Variants in GUCY1A2 observed in about 807,000 individuals in gnomAD.
GUCY1A2 encodes guanylate cyclase soluble subunit alpha-2.
In GUCY1A2, 27 loss-of-function variants were observed where a neutral mutation model predicts 63.5. The ratio of observed to expected loss-of-function variants is 0.43; its 90% confidence interval spans 0.31 to 0.59. The LOEUF (loss-of-function observed/expected upper bound fraction) is 0.59, where lower values mean the gene tolerates loss of function less well. Ranked by LOEUF, GUCY1A2 falls within the 20% of genes least tolerant of loss-of-function variation. The probability of loss-of-function intolerance (pLI) is 0.11; values close to 1 mark genes in which losing one functional copy is unlikely to be tolerated. For missense variants in GUCY1A2, 768 were observed against 913.3 expected (o/e 0.84, Z 2.05); for synonymous variants, 364 against 343.5 (o/e 1.06, Z -0.66).
At chr11:106,783,922 C>A (rs372758205) in intron 5 of GUCY1A2, among the ~76,000 whole-genome samples, 1 of 151,998 alleles carries the variant, frequency 6.6e-6, no homozygotes, top group Non-Finnish European at 1.5e-5. Context: ...CCATATCCAC[C>A]CAAACTTGGG....
chr11:106,767,862 C>A (rs2135396446), intron 6 of GUCY1A2, among the ~76,000 whole-genome samples: 1 of 152,044 alleles, frequency 6.6e-6, no homozygotes, highest in Non-Finnish European at 1.5e-5. Flanking sequence ...AAGAGTAATT[C>A]TATGCTTAAA....
At chr11:106,869,241 T>A (rs971251811) in intron 4 of GUCY1A2, among the ~76,000 whole-genome samples, 11 of 151,962 alleles carry the variant, frequency 7.2e-5, no homozygotes, top group South Asian at 2.1e-4. Context: ...TGGCAACAAA[T>A]GCCAAAATTG....
At chr11:106,779,577 C>T (rs1277158601) in intron 5 of GUCY1A2, among the ~76,000 whole-genome samples, 1 of 152,118 alleles carries the variant, frequency 6.6e-6, no homozygotes, top group East Asian at 1.9e-4. Flanking sequence ...CTCTGAACAT[C>T]CAAGTTCCTA....
intron 7 of GUCY1A2, among the ~76,000 whole-genome samples, chr11:106,696,606 T>C: frequency 6.6e-6 from 1 of 152,138 alleles, no homozygotes; most frequent in East Asian, 1.9e-4. Context: ...CAATCAGAAA[T>C]AGTTAGCCTA....
intron 4 of GUCY1A2, among the ~76,000 whole-genome samples, chr11:106,938,023 T>C (rs930006442): frequency 1.3e-5 from 2 of 152,054 alleles, no homozygotes; most frequent in Non-Finnish European, 2.9e-5. Context: ...CTGCAGCCTC[T>C]GCCTCCTGGG....
At chr11:106,803,094 T>G (rs1019503602) in intron 5 of GUCY1A2, among the ~76,000 whole-genome samples, 2 of 152,168 alleles carry the variant, frequency 1.3e-5, no homozygotes, top group African/African-American at 4.8e-5. Flanking sequence ...TCTAACTGTC[T>G]TCAGAATATG....
In GUCY1A2 at chr11:107,002,390, T is replaced by G. The variant is rs1282146061; in HGVS notation, c.303+15363A>C. Among the ~76,000 whole-genome samples the G allele has an allele frequency of 2.0e-5, 3 of 148,648 alleles. No individual in the cohort carries two copies. In the East Asian group the frequency reaches 5.9e-4, roughly 29 times the overall value. On this transcript the variant is annotated intron_variant, in intron 1 of 7. Coordinates refer to ENST00000526355, the MANE Select transcript of GUCY1A2 (RefSeq NM_000855.3). ...CAGACATGGAGAGAATAAGAACAGG[T>G]GTGTGTGTGTGTGTGTGTGTGTGTC... is the stretch of plus-strand genomic sequence containing the variant.
intron 6 of GUCY1A2, among the ~76,000 whole-genome samples, chr11:106,718,427 G>A (rs1863255224): frequency 6.6e-6 from 1 of 152,082 alleles, no homozygotes; most frequent in African/African-American, 2.4e-5. Flanking sequence ...TGATGGCACT[G>A]AATAAAATGT....
intron 4 of GUCY1A2, among the ~76,000 whole-genome samples, chr11:106,898,860 T>C (rs1860087508): frequency 1.3e-5 from 2 of 152,192 alleles, no homozygotes; most frequent in Admixed American, 1.3e-4. Flanking sequence ...TTTTGGACTA[T>C]AATGATGTAT....
intron 6 of GUCY1A2, among the ~76,000 whole-genome samples, chr11:106,717,537 C>G (rs1211942825): frequency 6.6e-6 from 1 of 152,008 alleles, no homozygotes; most frequent in African/African-American, 2.4e-5. Context: ...CTTATTTGTG[C>G]AAGAAAAATG....
At chr11:106,866,596 AT>A (rs756956018) in intron 4 of GUCY1A2, among the ~76,000 whole-genome samples, 6 of 152,026 alleles carry the variant, frequency 3.9e-5, no homozygotes, top group Non-Finnish European at 8.8e-5. Flanking sequence ...TTCAGTTAGC[AT>A]TTTTGTACCT....
intron 4 of GUCY1A2, among the ~76,000 whole-genome samples, chr11:106,855,483 T>C (rs1859416937): frequency 2.0e-5 from 3 of 151,922 alleles, no homozygotes; most frequent in African/African-American, 7.3e-5. Context: ...GGTCCTTTTT[T>C]TTGTGGAGGA....
chr11:106,903,797 A>T (rs1387695889), intron 4 of GUCY1A2, among the ~76,000 whole-genome samples: 1 of 152,176 alleles, frequency 6.6e-6, no homozygotes, highest in South Asian at 2.1e-4. Context: ...ACAAAAAATA[A>T]AATTGTCTAC....
intron 4 of GUCY1A2, among the ~76,000 whole-genome samples, chr11:106,884,927 T>C (rs1859878159): frequency 6.6e-6 from 1 of 152,134 alleles, no homozygotes; most frequent in Non-Finnish European, 1.5e-5. Context: ...AAGAGGTAGC[T>C]CAATTCCCGG....
intron 3 of GUCY1A2, among the ~76,000 whole-genome samples, chr11:106,955,414 T>C (rs957612922): frequency 2.6e-5 from 4 of 152,242 alleles, no homozygotes; most frequent in Non-Finnish European, 4.4e-5. Context: ...TCTTTATATT[T>C]TGCTGTGTTT....
chr11:106,895,321 T>C (rs927693892), intron 4 of GUCY1A2, among the ~76,000 whole-genome samples: 1 of 152,330 alleles, frequency 6.6e-6, no homozygotes, highest in Non-Finnish European at 1.5e-5. Context: ...AAATAAATTA[T>C]ACCATGCCAT....
At chr11:107,016,932 A>G (rs2120226966) in intron 1 of GUCY1A2, among the ~76,000 whole-genome samples, 1 of 152,348 alleles carries the variant, frequency 6.6e-6, no homozygotes, top group Middle Eastern at 3.4e-3. Flanking sequence ...GAAGCTTAAT[A>G]CCTAGGTGAT....
In GUCY1A2 at chr11:106,687,581, C is replaced by T. The variant is rs1259379286; in HGVS notation, c.2167G>A (p.Gly723Ser). The part of the protein sequence containing the change: ...SRIKKVSYNI[G>S]TMFLRETSL The stretch of plus-strand genomic sequence containing the variant: ...CTTGTCTCCCGGAGGAACATGGTGC[C>T]GATGTTGTAGGAAACCTTTTTTATT... Residue 723 changes from glycine to serine, a missense_variant, in exon 8 of 8, where the codon GGC becomes AGC. By Grantham distance (56) the Gly-to-Ser change is moderately conservative. Transcript: ENST00000526355. 7 of 1,613,696 alleles carry T rather than the reference C, an allele frequency of 4.3e-6. No individual in the cohort carries two copies. The highest frequency in any genetic ancestry group is 3.3e-5 in the Admixed American group (2 of 59,970).
At chr11:106,763,993 A>G (rs1436315099) in intron 6 of GUCY1A2, among the ~76,000 whole-genome samples, 2 of 152,182 alleles carry the variant, frequency 1.3e-5, no homozygotes, top group Non-Finnish European at 2.9e-5. Context: ...TAGTTTTTGG[A>G]TTATTATGTT....
Sources: allele counts gnomAD v4.1 joint callset (sites outside exome capture counted in the v4.1 genomes callset), GRCh38; gene constraint gnomAD v4.1.1; transcripts MANE v1.5; gene names NCBI Gene and HGNC (gene_info 2026-07-23, HGNC 2026-07-21).